Variants in WWOX observed in about 807,000 individuals in gnomAD.
WWOX encodes the protein WW domain-containing oxidoreductase.
WWOX carries 69 observed loss-of-function variants against 46.2 expected under a neutral mutation model. That is an observed-to-expected ratio of 1.49 (90% CI 1.23 to 1.82). WWOX has a LOEUF of 1.82. Among genes scored for constraint, WWOX ranks in the 40% most tolerant of loss-of-function variants. The pLI, the probability that WWOX is intolerant of heterozygous loss-of-function variation, is 0.00. For synonymous variants in WWOX, 359 were observed against 202.6 expected (o/e 1.77, Z -6.56); for missense variants, 919 against 542.6 (o/e 1.69, Z -6.89).
intron 8 of WWOX, among the ~76,000 whole-genome samples, chr16:78,915,074 G>A (rs1362421026): frequency 6.6e-6 from 1 of 152,060 alleles, no homozygotes; most frequent in Non-Finnish European, 1.5e-5. Flanking sequence ...CTCTGAGCAG[G>A]AGATGGAAGA....
At chr16:78,492,015 C>T (rs140151633) in intron 8 of WWOX, among the ~76,000 whole-genome samples, 1 of 126,964 alleles carries the variant, frequency 7.9e-6, no homozygotes, top group Non-Finnish European at 1.7e-5. Flanking sequence ...ACTTGCCATT[C>T]TCAATGGACA....
At chr16:79,142,334 G>A (rs1448708827) in intron 8 of WWOX, among the ~76,000 whole-genome samples, 1 of 152,146 alleles carries the variant, frequency 6.6e-6, no homozygotes, top group Admixed American at 6.5e-5. Context: ...GCTCAATTTT[G>A]TGCTGGAACT....
At chr16:78,895,756 C>T (rs1165527943) in intron 8 of WWOX, 1 of 152,148 alleles carries the variant, frequency 6.6e-6, no homozygotes, top group Non-Finnish European at 1.5e-5. Context: ...TGTAATATGG[C>T]TCTGGCAAAT....
intron 4 of WWOX, among the ~76,000 whole-genome samples, chr16:78,144,434 T>TAC: frequency 6.3e-5 from 1 of 15,852 alleles, no homozygotes. Context: ...CATTACTATA[T>TAC]ATATATATAT....
chr16:78,230,331 T>TAC (rs2037216276), intron 5 of WWOX, among the ~76,000 whole-genome samples: 1 of 152,216 alleles, frequency 6.6e-6, no homozygotes, highest in Admixed American at 6.5e-5. Flanking sequence ...CCAGGCCTAG[T>TAC]ATTTCAGCTG....
chr16:78,301,269 G>A (rs181272316), intron 5 of WWOX, among the ~76,000 whole-genome samples: 1 of 152,250 alleles, frequency 6.6e-6, no homozygotes, highest in East Asian at 1.9e-4. Flanking sequence ...CAATCAGGCT[G>A]TAAAGTTCAC....
At chr16:79,122,704 G>T (rs1009950906) in intron 8 of WWOX, among the ~76,000 whole-genome samples, 4 of 152,054 alleles carry the variant, frequency 2.6e-5, no homozygotes, top group Non-Finnish European at 2.9e-5. Flanking sequence ...CGTAAGCTAG[G>T]ATAACTGAGG....
At chr16:78,164,416 TCTTCA>T (rs1376392754) in intron 5 of WWOX, 127 bp downstream of exon 5, 1 of 855,646 alleles carries the variant, frequency 1.2e-6, no homozygotes, top group Non-Finnish European at 1.9e-6. Context: ...TTTAAAGTCA[TCTTCA>T]CTTTGTTTGT....
intron 8 of WWOX, among the ~76,000 whole-genome samples, chr16:79,035,557 G>C (rs2047849390): frequency 6.6e-6 from 1 of 152,090 alleles, no homozygotes; most frequent in Admixed American, 6.6e-5. Flanking sequence ...TTAATTTTTT[G>C]AGATGGAGTC....
At chr16:78,508,705 T>C (rs2085279637) in intron 8 of WWOX, among the ~76,000 whole-genome samples, 1 of 152,186 alleles carries the variant, frequency 6.6e-6, no homozygotes, top group South Asian at 2.1e-4. Flanking sequence ...CTGGTGGTCA[T>C]GGAGAAAGAG....
intron 8 of WWOX, among the ~76,000 whole-genome samples, chr16:78,980,052 C>T (rs1263431720): frequency 6.6e-6 from 1 of 152,164 alleles, no homozygotes; most frequent in Non-Finnish European, 1.5e-5. Context: ...CACTTGAACT[C>T]AGAAGGCCAA....
intron 8 of WWOX, among the ~76,000 whole-genome samples, chr16:78,438,072 A>G (rs1227367361): frequency 2.0e-5 from 3 of 152,302 alleles, no homozygotes; most frequent in African/African-American, 7.2e-5. Flanking sequence ...AGTTGTAACC[A>G]TGTGTGATGA....
intron 8 of WWOX, among the ~76,000 whole-genome samples, chr16:79,012,451 T>G (rs1243971708): frequency 6.6e-6 from 1 of 152,158 alleles, no homozygotes; most frequent in Non-Finnish European, 1.5e-5. Context: ...CAGGCTGGTC[T>G]CGAACTCCTG....
intron 5 of WWOX, among the ~76,000 whole-genome samples, chr16:78,273,729 AC>A (rs1189794862): frequency 2.6e-5 from 4 of 152,214 alleles, no homozygotes; most frequent in African/African-American, 9.6e-5. Flanking sequence ...GATTTGGCCA[AC>A]AGCTCTGAAG....
intron 8 of WWOX, among the ~76,000 whole-genome samples, chr16:78,901,150 G>A (rs1271943351): frequency 1.3e-5 from 2 of 152,262 alleles, no homozygotes; most frequent in African/African-American, 2.4e-5. Flanking sequence ...TTTTCATAGG[G>A]CAAAATGCAG....
At chr16:78,899,502 A>G (rs1051888212) in intron 8 of WWOX, 9 of 152,168 alleles carry the variant, frequency 5.9e-5, no homozygotes, top group African/African-American at 2.2e-4. Flanking sequence ...AGTTCTCCAT[A>G]AATGTTAGTT....
chr16:78,228,586 C>T (rs1221979844), intron 5 of WWOX, among the ~76,000 whole-genome samples: 2 of 152,204 alleles, frequency 1.3e-5, no homozygotes, highest in African/African-American at 4.8e-5. Context: ...AAGCGATCCT[C>T]CCACCTTGGC....
At position 78,340,017 on chromosome 16, in the gene WWOX, T is replaced by TCGGG. The variant is rs796485170; in HGVS notation, c.517-46843_517-46842insCGGG. Among the ~76,000 whole-genome samples, 46 of 6,792 alleles carry TCGGG rather than the reference T, an allele frequency of 6.8e-3. 8 individuals are homozygous for TCGGG. Among genetic ancestry groups the TCGGG allele is most frequent in the African/African-American group, 0.018 (46 of 2,540 alleles). 4.5% of individuals were successfully genotyped at this position (6,792 alleles called of 152,430 possible). On this transcript the variant is annotated intron_variant, in intron 5 of 8. Transcript: ENST00000566780. Reference sequence around the variant, plus strand: ...TCTTCTAGTCTTTCCATGGATTTGGTGGGGGGGGGGGGGACGTTTCTATTT... The same window carrying TCGGG: ...TCTTCTAGTCTTTCCATGGATTTGGTCGGGGGGGGGGGGGGGGACGTTTCTATTT...
intron 8 of WWOX, among the ~76,000 whole-genome samples, chr16:79,129,581 C>T (rs962799348): frequency 6.6e-6 from 1 of 151,772 alleles, no homozygotes. Flanking sequence ...TTACCTCTAC[C>T]TGGTATATTT....
Sources: allele counts gnomAD v4.1 joint callset (sites outside exome capture counted in the v4.1 genomes callset), GRCh38; gene constraint gnomAD v4.1.1; transcripts MANE v1.5; gene names NCBI Gene and HGNC (gene_info 2026-07-23, HGNC 2026-07-21).